Variants in MYT1L observed in about 807,000 individuals in gnomAD.
MYT1L encodes myelin transcription factor 1 like.
MYT1L carries 12 observed loss-of-function variants against 126.7 expected under a neutral mutation model. That is an observed-to-expected ratio of 0.09 (90% CI 0.06 to 0.15). MYT1L has a LOEUF of 0.15. Among genes scored for constraint, MYT1L ranks in the 10% least tolerant of loss-of-function variants. The pLI is 1.00. For missense variants in MYT1L, 979 were observed against 1,585.2 expected (o/e 0.62, Z 6.49); for synonymous variants, 541 against 604.2 (o/e 0.90, Z 1.53).
intron 1 of MYT1L, among the ~76,000 whole-genome samples, chr2:2,312,004 A>G (rs748797645): frequency 1.3e-5 from 2 of 152,224 alleles, no homozygotes; most frequent in Non-Finnish European, 2.9e-5. Flanking sequence ...GTGTGCAGCA[A>G]TGCTGCTGTT....
intron 18 of MYT1L, among the ~76,000 whole-genome samples, chr2:1,862,997 C>T (rs565510936): frequency 1.3e-4 from 20 of 152,158 alleles, no homozygotes; most frequent in African/African-American, 2.2e-4. Flanking sequence ...AGGCTCACAA[C>T]GCTGGAATGA....
Position 1,791,486 on chromosome 2 carries a change from TTG to T in MYT1L, c.*379_*380del. On this transcript the variant is annotated 3_prime_UTR_variant, in exon 25 of 25. Transcript: ENST00000647738. This position sits in a 1 kb window ranked among gnomAD's most constrained non-coding sequence, Gnocchi z 6.0. The stretch of plus-strand genomic sequence containing the variant: ...TGGGTCTGTGTGTGCGTGTGTGTGT[TTG>T]TGTGTCCATTTCAGTTCAAAATACT... 1 of 335,586 alleles carries T rather than the reference TTG, an allele frequency of 3.0e-6. No individual in the cohort carries two copies. Among genetic ancestry groups the T allele is most frequent in the South Asian group, 2.5e-5 (1 of 40,322 alleles). 20.8% of individuals were successfully genotyped at this position (335,586 alleles called of 1,614,324 possible).
intron 2 of MYT1L, among the ~76,000 whole-genome samples, chr2:2,266,530 C>A (rs2095134723): frequency 1.3e-5 from 2 of 152,096 alleles, no homozygotes; most frequent in African/African-American, 4.8e-5. Context: ...CGCAGTGGCT[C>A]CATGTGCTAC....
At chr2:2,038,437 C>A (rs537586367) in intron 4 of MYT1L, among the ~76,000 whole-genome samples, 3 of 152,136 alleles carry the variant, frequency 2.0e-5, no homozygotes, top group Non-Finnish European at 4.4e-5. Context: ...CTTCTCCTTC[C>A]TGCCATCACC....
At chr2:1,961,078 T>C (rs1225733507) in intron 8 of MYT1L, among the ~76,000 whole-genome samples, 2 of 152,228 alleles carry the variant, frequency 1.3e-5, no homozygotes, top group African/African-American at 4.8e-5. Context: ...TTTTTAGCAA[T>C]CTGTAGTATC....
At chr2:1,989,866 C>T (rs763582513) in intron 5 of MYT1L, among the ~76,000 whole-genome samples, 46 of 152,144 alleles carry the variant, frequency 3.0e-4, no homozygotes, top group Non-Finnish European at 4.6e-4. Flanking sequence ...GGCATGGTGG[C>T]GGGTGTCTGT....
At position 2,109,005 on chromosome 2, in the gene MYT1L, C is replaced by A. The variant is rs918155976; in HGVS notation, c.-303-54882G>T. 2.6e-5 allele frequency among the ~76,000 whole-genome samples: 4 copies of A among 152,036 alleles called. No homozygotes were observed. The East Asian group carries it at 7.7e-4, about 29-fold the overall frequency. On this transcript the variant is annotated intron_variant, in intron 3 of 24. Coordinates refer to ENST00000647738, the MANE Select transcript of MYT1L (RefSeq NM_001303052.2). Reference sequence around the variant, plus strand: ...GCAGCCTGGCCACTCCCTGTCTATACCCCAGCCTGATCCCAACAAGGCCAA... The same window carrying A: ...GCAGCCTGGCCACTCCCTGTCTATAACCCAGCCTGATCCCAACAAGGCCAA...
chr2:2,322,470 C>T (rs2096184535), intron 1 of MYT1L, among the ~76,000 whole-genome samples: 1 of 152,140 alleles, frequency 6.6e-6, no homozygotes, highest in South Asian at 2.1e-4. Context: ...CACCCTGTTT[C>T]CAGTCCTGGG....
At chr2:1,915,460 T>C (rs2149058071) in intron 11 of MYT1L, among the ~76,000 whole-genome samples, 1 of 152,224 alleles carries the variant, frequency 6.6e-6, no homozygotes, top group Admixed American at 6.5e-5. Context: ...TTTAGGCCTG[T>C]CCTGTGAAAA....
intron 1 of MYT1L, among the ~76,000 whole-genome samples, chr2:2,311,281 A>AT (rs2095966093): frequency 6.6e-6 from 1 of 152,228 alleles, no homozygotes; most frequent in East Asian, 1.9e-4. Context: ...CTTCCTCCAG[A>AT]CCAAATCACA....
chr2:2,117,982 A>G (rs975569444), intron 3 of MYT1L, among the ~76,000 whole-genome samples: 10 of 151,930 alleles, frequency 6.6e-5, no homozygotes, highest in African/African-American at 2.2e-4. Flanking sequence ...ATTATATTAT[A>G]TATGTACAAA....
chr2:2,142,103 C>A (rs2084070082), intron 3 of MYT1L, among the ~76,000 whole-genome samples: 1 of 152,122 alleles, frequency 6.6e-6, no homozygotes, highest in South Asian at 2.1e-4. Context: ...CAAGTTCATG[C>A]TTTCTCTCAT....
intron 4 of MYT1L, among the ~76,000 whole-genome samples, chr2:2,028,554 A>C (rs1480851378): frequency 6.6e-6 from 1 of 152,134 alleles, no homozygotes; most frequent in Non-Finnish European, 1.5e-5. Flanking sequence ...TTGAAAGGAG[A>C]ATTTTAGAGG....
At chr2:2,142,462 G>A (rs1243254541) in intron 3 of MYT1L, among the ~76,000 whole-genome samples, 2 of 151,934 alleles carry the variant, frequency 1.3e-5, no homozygotes, top group East Asian at 1.9e-4. Context: ...GTTGTTATGC[G>A]AATACCACCA....
intron 4 of MYT1L, among the ~76,000 whole-genome samples, chr2:2,048,382 CT>C (rs1286661408): frequency 1.3e-5 from 2 of 152,188 alleles, no homozygotes; most frequent in African/African-American, 2.4e-5. Flanking sequence ...TTTCCTACTT[CT>C]GTTCCAAGGG....
intron 3 of MYT1L, among the ~76,000 whole-genome samples, chr2:2,097,123 A>G (rs2077533935): frequency 2.6e-5 from 4 of 151,574 alleles, no homozygotes; most frequent in African/African-American, 7.3e-5. Context: ...CCTCCTTCCC[A>G]TTGCTTTAAA....
chr2:2,029,309 T>C (rs1390617256), intron 4 of MYT1L, among the ~76,000 whole-genome samples: 5 of 152,148 alleles, frequency 3.3e-5, no homozygotes, highest in African/African-American at 9.7e-5. Context: ...TGGGTAATTA[T>C]AAAGGAAAGA....
Position 2,276,748 on chromosome 2 carries a change from T to G in MYT1L, c.-421+7656A>C, listed in dbSNP as rs529288697. Among the ~76,000 whole-genome samples, 3 of 152,212 alleles carry G rather than the reference T, an allele frequency of 2.0e-5. No homozygotes were observed. In the East Asian group the frequency reaches 5.8e-4, roughly 30 times the overall value. On this transcript the variant is annotated intron_variant, in intron 2 of 24. Coordinates refer to ENST00000647738, the MANE Select transcript of MYT1L (RefSeq NM_001303052.2). ...CCCTCTCTGCAGGTGCATACAAGAC[T>G]GTCCTCTCCATTTCCCATTTGCCTG... is the stretch of plus-strand genomic sequence containing the variant.
chr2:2,137,545 A>T (rs2083250086), intron 3 of MYT1L, among the ~76,000 whole-genome samples: 1 of 152,190 alleles, frequency 6.6e-6, no homozygotes, highest in Non-Finnish European at 1.5e-5. Flanking sequence ...ACATATCTAC[A>T]ACTATCTGAT....
Sources: allele counts gnomAD v4.1 joint callset (sites outside exome capture counted in the v4.1 genomes callset), GRCh38; gene constraint gnomAD v4.1.1; non-coding constraint Gnocchi (gnomAD v3.1); transcripts MANE v1.5; gene names NCBI Gene and HGNC (gene_info 2026-07-23, HGNC 2026-07-21).